NLK: variants seen among roughly 807,000 people sequenced by gnomAD.
NLK encodes nemo like kinase.
NLK carries 11 observed loss-of-function variants against 59.0 expected under a neutral mutation model. The observed-to-expected ratio is 0.19, with a 90% CI of 0.12 to 0.31. The LOEUF (loss-of-function observed/expected upper bound fraction) is 0.31. Ranked by LOEUF, NLK falls within the 10% of genes least tolerant of loss-of-function variation. NLK has a pLI of 1.00. For synonymous variants in NLK, 235 were observed against 235.9 expected, an observed-to-expected ratio of 1.00 and a Z score of 0.03; for missense variants, 410 against 661.1, an observed-to-expected ratio of 0.62 and a Z score of 4.16.
intron 1 of NLK, among the ~76,000 whole-genome samples, chr17:28,052,849 A>AAGTGTTCTGTAGTT (rs1909305945): frequency 6.6e-6 from 1 of 150,970 alleles, no homozygotes; most frequent in African/African-American, 2.4e-5. Flanking sequence ...CTGTAGCCAC[A>AAGTGTTCTGTAGTT]CATGGCTACT....
chr17:28,059,487 A>G (rs1909555866), intron 1 of NLK, among the ~76,000 whole-genome samples: 1 of 152,110 alleles, frequency 6.6e-6, no homozygotes, highest in African/African-American at 2.4e-5. Flanking sequence ...ACTGTGATCT[A>G]TGTTAGAAAA....
chr17:28,168,032 T>C (rs923881719), intron 5 of NLK, among the ~76,000 whole-genome samples: 12 of 151,524 alleles, frequency 7.9e-5, no homozygotes. Context: ...TCATTAAAAA[T>C]GTTCCAGAGT....
chr17:28,161,815 G>A (rs1269227493), intron 4 of NLK, among the ~76,000 whole-genome samples: 2 of 152,122 alleles, frequency 1.3e-5, no homozygotes, highest in African/African-American at 4.8e-5. Context: ...GACTGAGAAA[G>A]GATTTGGGCC....
intron 8 of NLK, among the ~76,000 whole-genome samples, chr17:28,188,280 A>T (rs1046361661): frequency 2.6e-5 from 4 of 152,254 alleles, no homozygotes; most frequent in African/African-American, 9.6e-5. Context: ...TCACTGTGTT[A>T]TAAACAAAGC....
rs1019465358 is a variant in NLK at position 28,096,146 on chromosome 17, C to T, written c.459-26457C>T. 4.0e-4 allele frequency among the ~76,000 whole-genome samples: 61 copies of T among 152,080 alleles called. 2 individuals are homozygous for T. Among genetic ancestry groups the T allele is most frequent in the Admixed American group, 3.9e-3 (60 of 15,260 alleles). ...GTCAAGGATATACTTATTTTGAAAA[C>T]GTTGAAAAATAATAGTAATTATTTA... is the stretch of plus-strand genomic sequence containing the variant. On this transcript the variant is annotated intron_variant, in intron 1 of 10. Transcript: ENST00000407008.
intron 1 of NLK, among the ~76,000 whole-genome samples, chr17:28,046,080 A>AG (rs1474567233): frequency 6.6e-6 from 1 of 152,232 alleles, no homozygotes; most frequent in African/African-American, 2.4e-5. Flanking sequence ...ACATACACCC[A>AG]GGGGTACTAA....
At chr17:28,193,566 C>G (rs978663369) in intron 10 of NLK, among the ~76,000 whole-genome samples, 5 of 152,180 alleles carry the variant, frequency 3.3e-5, no homozygotes, top group Non-Finnish European at 7.3e-5. Flanking sequence ...AAAGGGGAAC[C>G]ATGAACAGGG....
chr17:28,073,895 C>T (rs1910089157), intron 1 of NLK, among the ~76,000 whole-genome samples: 1 of 152,118 alleles, frequency 6.6e-6, no homozygotes, highest in South Asian at 2.1e-4. Flanking sequence ...CTATTTATTT[C>T]TATGTTCCTA....
At chr17:28,166,623 A>G (rs1244864345) in intron 5 of NLK, among the ~76,000 whole-genome samples, 1 of 152,202 alleles carries the variant, frequency 6.6e-6, no homozygotes, top group African/African-American at 2.4e-5. Context: ...TTAGATGGCC[A>G]TTACTATCTG....
intron 1 of NLK, among the ~76,000 whole-genome samples, chr17:28,105,090 G>A (rs1394142874): frequency 6.6e-6 from 1 of 152,162 alleles, no homozygotes; most frequent in East Asian, 1.9e-4. Context: ...ATTCCAGGCT[G>A]CAGACTATTT....
chr17:28,092,820 G>GA (rs1235765842), intron 1 of NLK, among the ~76,000 whole-genome samples: 1 of 143,426 alleles, frequency 7.0e-6, no homozygotes, highest in East Asian at 2.0e-4. Flanking sequence ...TATTTATTGA[G>GA]ACAGAGTCTC....
At chr17:28,100,409 G>T (rs936745213) in intron 1 of NLK, among the ~76,000 whole-genome samples, 1 of 152,152 alleles carries the variant, frequency 6.6e-6, no homozygotes, top group Non-Finnish European at 1.5e-5. Context: ...TTACAATATA[G>T]TATGATTAGT....
intron 7 of NLK, among the ~76,000 whole-genome samples, chr17:28,178,015 A>G (rs558711734): frequency 3.9e-5 from 6 of 152,318 alleles, no homozygotes; most frequent in East Asian, 1.9e-4. Context: ...CGGGAAAGCA[A>G]AAGCTTTCCT....
At chr17:28,162,601 C>T (rs749098734) in intron 4 of NLK, among the ~76,000 whole-genome samples, 5 of 152,112 alleles carry the variant, frequency 3.3e-5, no homozygotes, top group Non-Finnish European at 5.9e-5. Context: ...CGCGTCACTG[C>T]ACTCCATCCT....
At chr17:28,044,540 G>T (rs1380305233) in intron 1 of NLK, among the ~76,000 whole-genome samples, 5 of 152,162 alleles carry the variant, frequency 3.3e-5, no homozygotes, top group African/African-American at 1.2e-4. Context: ...TAGTCCCCAA[G>T]GAAGTTTCTG....
At chr17:28,044,412 GCATT>G (rs1908984244) in intron 1 of NLK, among the ~76,000 whole-genome samples, 1 of 152,110 alleles carries the variant, frequency 6.6e-6, no homozygotes, top group Non-Finnish European at 1.5e-5. Context: ...ATTGATGGGT[GCATT>G]GTTTATGCAT....
intron 1 of NLK, among the ~76,000 whole-genome samples, chr17:28,054,051 C>A (rs1326928793): frequency 1.3e-5 from 2 of 152,142 alleles, no homozygotes; most frequent in African/African-American, 4.8e-5. Flanking sequence ...AACTTGATTT[C>A]TATATTTACT....
chr17:28,065,113 A>C (rs1909784208), intron 1 of NLK, among the ~76,000 whole-genome samples: 2 of 152,168 alleles, frequency 1.3e-5, no homozygotes, highest in African/African-American at 4.8e-5. Flanking sequence ...AATTGCAATA[A>C]AGATATATAA....
intron 3 of NLK, among the ~76,000 whole-genome samples, chr17:28,142,236 TAGTC>T (rs1907032132): frequency 6.6e-6 from 1 of 152,216 alleles, no homozygotes; most frequent in African/African-American, 2.4e-5. Context: ...GATTTTTTTT[TAGTC>T]AGTTTTAAAT....
Sources: gnomAD v4.1 joint callset for allele counts (sites outside exome capture counted in the v4.1 genomes callset) on GRCh38, gnomAD v4.1.1 for gene constraint, MANE v1.5 for transcripts, NCBI Gene and HGNC (gene_info 2026-07-23, HGNC 2026-07-21) for gene names.